PLEKHA7: variants seen among roughly 807,000 people sequenced by gnomAD.
PLEKHA7 encodes the protein pleckstrin homology domain-containing family A member 7.
In PLEKHA7, 104 loss-of-function variants were observed where a neutral mutation model predicts 170.0. The observed-to-expected ratio is 0.61, with a 90% CI of 0.52 to 0.72. The LOEUF (loss-of-function observed/expected upper bound fraction) is 0.72. Among genes scored for constraint, PLEKHA7 ranks in the 30% least tolerant of loss-of-function variants. PLEKHA7 has a pLI of 0.00. For synonymous variants in PLEKHA7, 648 were observed against 660.8 expected (o/e 0.98, Z 0.30); for missense variants, 1,615 against 1,671.7 (o/e 0.97, Z 0.59).
chr11:16,888,519 G>A (rs1202451959), intron 3 of PLEKHA7, among the ~76,000 whole-genome samples: 7 of 152,202 alleles, frequency 4.6e-5, no homozygotes, highest in African/African-American at 1.7e-4. Flanking sequence ...TCTGCCTTGG[G>A]ATGCTGTTAA....
chr11:16,859,150 G>A (rs1198472112), intron 4 of PLEKHA7, among the ~76,000 whole-genome samples: 3 of 152,184 alleles, frequency 2.0e-5, no homozygotes, highest in Non-Finnish European at 2.9e-5. Flanking sequence ...CATGAGCAGG[G>A]ACAGCTCCCA....
At chr11:16,872,271 G>A (rs2135687931) in intron 3 of PLEKHA7, among the ~76,000 whole-genome samples, 1 of 152,046 alleles carries the variant, frequency 6.6e-6, no homozygotes, top group East Asian at 1.9e-4. Context: ...CCCACCTGTA[G>A]ACAATTTTTA....
intron 10 of PLEKHA7, among the ~76,000 whole-genome samples, chr11:16,825,539 G>A (rs1850568824): frequency 6.6e-6 from 1 of 152,236 alleles, no homozygotes; most frequent in Non-Finnish European, 1.5e-5. Flanking sequence ...ATTCAGAAAT[G>A]TGTCCTAATT....
intron 3 of PLEKHA7, among the ~76,000 whole-genome samples, chr11:16,932,482 G>A (rs924703560): frequency 2.6e-5 from 4 of 152,034 alleles, no homozygotes; most frequent in Non-Finnish European, 5.9e-5. Flanking sequence ...ACAGGACCTT[G>A]CTATGTTGCC....
At chr11:16,786,080 T>A (rs899844155) in intron 24 of PLEKHA7, 149 bp downstream of exon 24, 1 of 932,356 alleles carries the variant, frequency 1.1e-6, no homozygotes, top group Non-Finnish European at 1.6e-6. Context: ...TTTCATTGCC[T>A]TAAGCTGCTA....
At chr11:17,003,079 G>C (rs1334132057) in intron 3 of PLEKHA7, among the ~76,000 whole-genome samples, 1 of 141,684 alleles carries the variant, frequency 7.1e-6, no homozygotes, top group African/African-American at 2.6e-5. Context: ...TGCAACCTCT[G>C]CCTCCCGTTC....
At chr11:16,882,811 A>G (rs1413277614) in intron 3 of PLEKHA7, among the ~76,000 whole-genome samples, 3 of 152,200 alleles carry the variant, frequency 2.0e-5, no homozygotes, top group Non-Finnish European at 4.4e-5. Context: ...ATAGACTGAT[A>G]TGGTCATAAG....
At chr11:16,872,205 G>C (rs1020444559) in intron 3 of PLEKHA7, among the ~76,000 whole-genome samples, 5 of 152,014 alleles carry the variant, frequency 3.3e-5, no homozygotes, top group African/African-American at 1.2e-4. Flanking sequence ...CTGACCTCAA[G>C]TGACCCACCC....
At chr11:16,960,853 G>A (rs763108651) in intron 3 of PLEKHA7, among the ~76,000 whole-genome samples, 9 of 152,088 alleles carry the variant, frequency 5.9e-5, no homozygotes, top group African/African-American at 9.7e-5. Context: ...TGGGGACACC[G>A]AGGCACACAG....
chr11:16,885,158 T>A (rs1290133220), intron 3 of PLEKHA7, among the ~76,000 whole-genome samples: 1 of 151,724 alleles, frequency 6.6e-6, no homozygotes, highest in Non-Finnish European at 1.5e-5. Context: ...CTGGCCAACA[T>A]AGTGAAACCC....
At chr11:16,977,186 C>G (rs183647320) in intron 3 of PLEKHA7, among the ~76,000 whole-genome samples, 12 of 152,282 alleles carry the variant, frequency 7.9e-5, no homozygotes, top group Non-Finnish European at 1.5e-4. Context: ...AAACTGTTTC[C>G]CACCATGTCA....
intron 3 of PLEKHA7, among the ~76,000 whole-genome samples, chr11:16,925,782 G>C (rs1349416291): frequency 3.3e-5 from 5 of 152,378 alleles, no homozygotes; most frequent in Non-Finnish European, 7.3e-5. Context: ...GTGGCGCAGC[G>C]CCAGACAGCG....
At chr11:17,001,959 TGAAA>T (rs1466593263) in intron 3 of PLEKHA7, among the ~76,000 whole-genome samples, 1 of 152,224 alleles carries the variant, frequency 6.6e-6, no homozygotes, top group Non-Finnish European at 1.5e-5. Flanking sequence ...TGGCAGGACC[TGAAA>T]GAGACAGCCT....
At chr11:16,803,454 T>A (rs984604522) in intron 13 of PLEKHA7, 159 bp from the exon 14 acceptor site, 1 of 659,660 alleles carries the variant, frequency 1.5e-6, no homozygotes, top group Non-Finnish European at 2.6e-6. Context: ...ACTTCGCTAT[T>A]TCTATGCCTA....
At chr11:16,981,398 C>T (rs923014065) in intron 3 of PLEKHA7, among the ~76,000 whole-genome samples, 1 of 152,164 alleles carries the variant, frequency 6.6e-6, no homozygotes, top group Non-Finnish European at 1.5e-5. Flanking sequence ...ACCCAGTTGG[C>T]CTGACTTCAG....
chr11:16,943,034 C>T (rs889728264), intron 3 of PLEKHA7, among the ~76,000 whole-genome samples: 8 of 152,312 alleles, frequency 5.3e-5, no homozygotes, highest in African/African-American at 1.9e-4. Context: ...AATTTGAAAA[C>T]AGAGCAAACC....
At chr11:16,861,975 C>A (rs1052072356) in intron 4 of PLEKHA7, among the ~76,000 whole-genome samples, 4 of 150,068 alleles carry the variant, frequency 2.7e-5, no homozygotes, top group Non-Finnish European at 5.9e-5. Flanking sequence ...AGCTCTTATC[C>A]CAAACAGGCA....
At chr11:17,005,051 A>G (rs1864899996) in intron 3 of PLEKHA7, among the ~76,000 whole-genome samples, 1 of 152,194 alleles carries the variant, frequency 6.6e-6, no homozygotes, top group East Asian at 1.9e-4. Flanking sequence ...ATTGCCAAAT[A>G]TTCCACATAT....
intron 9 of PLEKHA7, among the ~76,000 whole-genome samples, chr11:16,828,818 CAG>C (rs369711606): frequency 2.6e-4 from 40 of 152,314 alleles, no homozygotes; most frequent in African/African-American, 8.7e-4. Context: ...CCAGGCCAAT[CAG>C]AGTTAGCCCT....
Sources: allele counts gnomAD v4.1 joint callset (sites outside exome capture counted in the v4.1 genomes callset), GRCh38; gene constraint gnomAD v4.1.1; transcripts MANE v1.5; gene names NCBI Gene and HGNC (gene_info 2026-07-23, HGNC 2026-07-21).